Variants in SRGAP1 observed in about 807,000 individuals in gnomAD.
The protein encoded by SRGAP1 is SLIT-ROBO Rho GTPase activating protein 1, also known as SLIT-ROBO Rho GTPase-activating protein 1.
In SRGAP1, 43 loss-of-function variants were observed where a neutral mutation model predicts 121.9. The observed-to-expected ratio is 0.35, with a 90% confidence interval of 0.28 to 0.46. The LOEUF (loss-of-function observed/expected upper bound fraction) is 0.46. Among genes scored for constraint, SRGAP1 ranks in the 20% least tolerant of loss-of-function variants. The pLI is 1.00. For synonymous variants in SRGAP1, 447 were observed against 485.4 expected, an observed-to-expected ratio of 0.92 and a Z score of 1.04; for missense variants, 1,102 against 1,350.9, an observed-to-expected ratio of 0.82 and a Z score of 2.89.
In SRGAP1 at chr12:63,971,015, C is replaced by T. The variant is rs75334999; in HGVS notation, c.68-12932C>T. On this transcript the variant is annotated intron_variant, in intron 1 of 21. Transcript: ENST00000355086. The stretch of plus-strand genomic sequence containing the variant: ...GCCCAGCCTCTGCCTACCTAACCAC[C>T]CTGCGATACAAAGCAAACTGCCATG... Among the ~76,000 whole-genome samples the T allele has an allele frequency of 2.0e-3, 297 of 152,202 alleles. 1 individual carries two copies. Among genetic ancestry groups the T allele is most frequent in the African/African-American group, 6.9e-3 (288 of 41,506 alleles).
chr12:63,877,832 C>T (rs1403282400), intron 1 of SRGAP1, among the ~76,000 whole-genome samples: 1 of 152,172 alleles, frequency 6.6e-6, no homozygotes, highest in East Asian at 1.9e-4. Flanking sequence ...AGTGGCCCCA[C>T]CTTCGTAAGG....
At chr12:64,104,900 T>A (rs539614591) in intron 15 of SRGAP1, among the ~76,000 whole-genome samples, 21 of 146,284 alleles carry the variant, frequency 1.4e-4, no homozygotes, top group Middle Eastern at 3.5e-3. Context: ...GTGGTAAAAA[T>A]ATATATATAT....
intron 5 of SRGAP1, 57 bp downstream of exon 5, chr12:64,043,029 A>G (rs1337965124): frequency 3.4e-6 from 4 of 1,186,770 alleles, no homozygotes; most frequent in African/African-American, 3.1e-5. Flanking sequence ...AATACTAAGA[A>G]CACTGATGCA....
intron 1 of SRGAP1, among the ~76,000 whole-genome samples, chr12:63,940,519 G>T (rs2031830020): frequency 6.6e-6 from 1 of 152,030 alleles, no homozygotes; most frequent in Admixed American, 6.6e-5. Context: ...TGGAATTGAG[G>T]TCAGCCAGGA....
chr12:64,106,121 G>A (rs2036341730), intron 15 of SRGAP1, among the ~76,000 whole-genome samples: 1 of 152,166 alleles, frequency 6.6e-6, no homozygotes, highest in Non-Finnish European at 1.5e-5. Flanking sequence ...CTGGGCTCAA[G>A]CAATTCTCTT....
Position 64,147,961 on chromosome 12 carries a change from AT to A in SRGAP1, c.*5296del, listed in dbSNP as rs1306240529. 1.1e-5 allele frequency: 3 copies of A among 279,292 alleles called. No individual in the cohort carries two copies. The highest frequency in any genetic ancestry group is 6.1e-5 in the East Asian group (1 of 16,498). 17.3% of individuals were successfully genotyped at this position (279,292 alleles called of 1,614,324 possible). On this transcript the variant is annotated 3_prime_UTR_variant, in exon 22 of 22. Transcript: ENST00000355086. ...AATGTGAAACTTTTACCTTTAAAAT[AT>A]TTTTTTATCTCACTTTCATTTCTTG...
rs1029088451 is a variant in SRGAP1, at chr12:64,016,806, T to C, written c.427-144T>C. The C allele has an allele frequency of 1.1e-5, 6 of 522,914 alleles. No homozygotes were observed. The African/African-American group carries it at 1.2e-4, about 10-fold the overall frequency. 32.4% of individuals were successfully genotyped at this position (522,914 alleles called of 1,614,324 possible). On this transcript the variant is annotated intron_variant, in intron 3 of 21. Transcript: ENST00000355086. ...CCATCTGTATACAATGTCTAGAGTTTACAAAGGGCCATTCCGTTAAAGATG... is the reference window on the plus strand; with the variant it reads ...CCATCTGTATACAATGTCTAGAGTTCACAAAGGGCCATTCCGTTAAAGATG...
chr12:64,001,642 T>A (rs2033900985), intron 3 of SRGAP1, among the ~76,000 whole-genome samples: 1 of 152,164 alleles, frequency 6.6e-6, no homozygotes, highest in South Asian at 2.1e-4. Flanking sequence ...TGAGGACATC[T>A]TAGATCATCC....
chr12:63,868,662 T>C (rs1344984151), intron 1 of SRGAP1, among the ~76,000 whole-genome samples: 12 of 152,204 alleles, frequency 7.9e-5, no homozygotes, highest in Admixed American at 7.9e-4. Context: ...GCGCCTGGCC[T>C]GAATTCTATT....
Position 64,149,928 on chromosome 12 carries a change from A to T in SRGAP1, c.*7256A>T. On this transcript the variant is annotated 3_prime_UTR_variant, in exon 22 of 22. Transcript: ENST00000355086. ...TTTGGCTTACTTATACTATAGTATAAGCAAATAAGTATTTAAACTTTAGTA... is the reference window on the plus strand; with the variant it reads ...TTTGGCTTACTTATACTATAGTATATGCAAATAAGTATTTAAACTTTAGTA... The T allele has an allele frequency of 6.6e-6, 1 of 152,362 alleles. No individual in the cohort carries two copies. Among genetic ancestry groups the T allele is most frequent in the African/African-American group, 2.4e-5 (1 of 41,578 alleles). 9.4% of individuals were successfully genotyped at this position (152,362 alleles called of 1,614,324 possible).
At chr12:64,005,922 C>T (rs1477729695) in intron 3 of SRGAP1, among the ~76,000 whole-genome samples, 1 of 152,068 alleles carries the variant, frequency 6.6e-6, no homozygotes, top group Non-Finnish European at 1.5e-5. Flanking sequence ...ATGTGATAGG[C>T]ACAGTGGCGG....
intron 1 of SRGAP1, among the ~76,000 whole-genome samples, chr12:63,967,645 G>T (rs2032827172): frequency 6.6e-6 from 1 of 152,148 alleles, no homozygotes; most frequent in African/African-American, 2.4e-5. Flanking sequence ...TTTGACCCCT[G>T]GATTCTTTGT....
At chr12:64,074,701 G>A (rs2035702891) in intron 8 of SRGAP1, among the ~76,000 whole-genome samples, 1 of 152,032 alleles carries the variant, frequency 6.6e-6, no homozygotes, top group African/African-American at 2.4e-5. Context: ...TCAATTTCAA[G>A]AGTTTAATTG....
intron 1 of SRGAP1, among the ~76,000 whole-genome samples, chr12:63,917,641 A>G (rs1228640471): frequency 2.0e-5 from 3 of 152,110 alleles, no homozygotes; most frequent in African/African-American, 7.2e-5. Flanking sequence ...TTTTAAAAGG[A>G]TATATTATAG....
chr12:64,043,662 T>C, intron 6 of SRGAP1, 87 bp downstream of exon 6: 1 of 1,035,914 alleles, frequency 9.7e-7, no homozygotes, highest in Non-Finnish European at 1.4e-6. Context: ...CTGTCATTTC[T>C]TAAGACTGTT....
intron 1 of SRGAP1, among the ~76,000 whole-genome samples, chr12:63,855,847 A>G (rs1899230757): frequency 6.6e-6 from 1 of 151,968 alleles, no homozygotes; most frequent in African/African-American, 2.4e-5. Flanking sequence ...AGGTGTGTAT[A>G]TCTTATTGAT....
At chr12:64,078,659 A>C (rs2035781729) in intron 8 of SRGAP1, among the ~76,000 whole-genome samples, 1 of 152,242 alleles carries the variant, frequency 6.6e-6, no homozygotes, top group South Asian at 2.1e-4. Flanking sequence ...AAGACAAAAA[A>C]GTAATTGAGA....
At chr12:63,975,293 G>C (rs1353815247) in intron 1 of SRGAP1, among the ~76,000 whole-genome samples, 2 of 152,106 alleles carry the variant, frequency 1.3e-5, no homozygotes, top group African/African-American at 4.8e-5. Flanking sequence ...CTTGGGCATA[G>C]GTTTTGCCTT....
At chr12:63,973,542 C>T (rs1013234617) in intron 1 of SRGAP1, among the ~76,000 whole-genome samples, 8 of 152,066 alleles carry the variant, frequency 5.3e-5, no homozygotes, top group Admixed American at 6.6e-5. Flanking sequence ...AAGTACTTAC[C>T]GCAGAACCTG....
Sources: gnomAD v4.1 joint callset for allele counts (sites outside exome capture counted in the v4.1 genomes callset) on GRCh38, gnomAD v4.1.1 for gene constraint, MANE v1.5 for transcripts, NCBI Gene and HGNC (gene_info 2026-07-23, HGNC 2026-07-21) for gene names.